The following DCAF8L2 variants were observed in gnomAD, a reference collection of about 807,000 sequenced individuals.
DCAF8L2 encodes DDB1 and CUL4 associated factor 8 like 2.
For missense variants in DCAF8L2, 430 were observed against 490.7 expected, an observed-to-expected ratio of 0.88 and a Z score of 1.17; for synonymous variants, 200 against 190.9, an observed-to-expected ratio of 1.05 and a Z score of -0.39.
intron 1 of DCAF8L2, among the ~76,000 whole-genome samples, chrX:27,621,421 A>T (rs184078800): frequency 9.0e-6 from 1 of 111,647 alleles, no homozygotes; most frequent in African/African-American, 3.3e-5. Context: ...AAATAGGAAA[A>T]AATAATAAGC....
intron 4 of DCAF8L2, among the ~76,000 whole-genome samples, chrX:27,736,957 T>C (rs775739668): frequency 2.0e-4 from 22 of 112,023 alleles, no homozygotes; most frequent in Non-Finnish European, 3.4e-4. Flanking sequence ...CCAGATGTCT[T>C]CTATTAAACC....
chrX:27,610,683 C>T (rs1193407338), intron 1 of DCAF8L2, among the ~76,000 whole-genome samples: 3 of 111,893 alleles, frequency 2.7e-5, no homozygotes, highest in East Asian at 2.8e-4. Context: ...AAAGCACTAA[C>T]GCATCTGGAA....
At chrX:27,519,069 G>T in the DCAF8L2 span, 3 of 1,035,997 alleles carry the variant, frequency 2.9e-6, no homozygotes, top group Non-Finnish European at 4.1e-6. Flanking sequence ...TACAACAGAT[G>T]AAGTCTCAGG....
the DCAF8L2 span, among the ~76,000 whole-genome samples, chrX:27,579,977 T>C: frequency 9.1e-6 from 1 of 110,004 alleles, no homozygotes; most frequent in Non-Finnish European, 1.9e-5. Context: ...GGTTTGTAAG[T>C]ATCATTTTAA....
chrX:27,621,802 G>T (rs1390374395), intron 1 of DCAF8L2, among the ~76,000 whole-genome samples: 1 of 110,223 alleles, frequency 9.1e-6, no homozygotes, highest in African/African-American at 3.3e-5. Flanking sequence ...AGACAAGCCT[G>T]GGCAACACAG....
chrX:27,497,497 ATTCTTTCT>A, the DCAF8L2 span, among the ~76,000 whole-genome samples: 3 of 66,064 alleles, frequency 4.5e-5, no homozygotes, highest in African/African-American at 1.7e-4. Flanking sequence ...AAACACCATT[ATTCTTTCT>A]TTCTTTCCTT....
chrX:27,543,000 CT>C, the DCAF8L2 span, among the ~76,000 whole-genome samples: 1 of 112,026 alleles, frequency 8.9e-6, no homozygotes. Flanking sequence ...TTAGATCCCA[CT>C]TGTCAATTTT....
At chrX:27,593,427 A>G (rs1286803647) in intron 1 of DCAF8L2, among the ~76,000 whole-genome samples, 1 of 112,175 alleles carries the variant, frequency 8.9e-6, no homozygotes, top group Non-Finnish European at 1.9e-5. Context: ...AGGCAGAATA[A>G]TATTCCCTGT....
At chrX:27,472,539 C>T in the DCAF8L2 span, among the ~76,000 whole-genome samples, 5 of 111,154 alleles carry the variant, frequency 4.5e-5, no homozygotes, top group Non-Finnish European at 9.4e-5. Flanking sequence ...TGATGCTCTC[C>T]CTCCCCTTTT....
chrX:27,525,106 A>G, the DCAF8L2 span, among the ~76,000 whole-genome samples: 12 of 111,384 alleles, frequency 1.1e-4, no homozygotes, highest in East Asian at 2.3e-3. Context: ...TGTCTCGTTG[A>G]TCTGTCTAAT....
chrX:27,660,679 C>G (rs1929527410), intron 2 of DCAF8L2, among the ~76,000 whole-genome samples: 1 of 111,919 alleles, frequency 8.9e-6, no homozygotes, highest in Admixed American at 9.5e-5. Flanking sequence ...TTGGATGGGC[C>G]AGTCCTTGGC....
intron 3 of DCAF8L2, among the ~76,000 whole-genome samples, chrX:27,704,267 C>CGTATATAT (rs1274243080): frequency 1.9e-5 from 2 of 103,624 alleles, no homozygotes; most frequent in Admixed American, 1.1e-4. Context: ...CGTATATATA[C>CGTATATAT]GTATATATGT....
At chrX:27,734,905 T>A (rs958103262) in intron 4 of DCAF8L2, among the ~76,000 whole-genome samples, 6 of 112,068 alleles carry the variant, frequency 5.4e-5, no homozygotes, top group South Asian at 3.7e-4. Flanking sequence ...TTTCAAAGTA[T>A]ATCTTATTTT....
At chrX:27,572,242 T>G in the DCAF8L2 span, among the ~76,000 whole-genome samples, 1 of 111,757 alleles carries the variant, frequency 8.9e-6, no homozygotes, top group Non-Finnish European at 1.9e-5. Flanking sequence ...AGGGTCTGAT[T>G]GTTATCATAC....
chrX:27,731,601 G>A (rs947997393), intron 4 of DCAF8L2, among the ~76,000 whole-genome samples: 2 of 109,743 alleles, frequency 1.8e-5, no homozygotes, highest in African/African-American at 6.6e-5. Flanking sequence ...ACCAAATAAG[G>A]GCTCCATCCT....
intron 3 of DCAF8L2, among the ~76,000 whole-genome samples, chrX:27,715,287 A>G (rs1441481878): frequency 9.3e-6 from 1 of 107,381 alleles, no homozygotes; most frequent in East Asian, 2.9e-4. Context: ...GAATGGCGTG[A>G]ACCCGGGAGG....
the DCAF8L2 span, among the ~76,000 whole-genome samples, chrX:27,515,485 C>A: frequency 9.0e-6 from 1 of 111,594 alleles, no homozygotes; most frequent in Non-Finnish European, 1.9e-5. Context: ...GTGGAGGTTG[C>A]AGTGAGCTGA....
chrX:27,539,538 A>G, the DCAF8L2 span, among the ~76,000 whole-genome samples: 1 of 111,848 alleles, frequency 8.9e-6, no homozygotes, highest in Non-Finnish European at 1.9e-5. Context: ...AATACTACAT[A>G]CATGTGGTTT....
At chrX:27,532,731 T>C in the DCAF8L2 span, among the ~76,000 whole-genome samples, 2 of 20,926 alleles carry the variant, frequency 9.6e-5, no homozygotes, top group Non-Finnish European at 2.2e-4. Flanking sequence ...GACCCATATT[T>C]ATTTATTTAT....
Sources: allele counts gnomAD v4.1 joint callset (sites outside exome capture counted in the v4.1 genomes callset), GRCh38; gene constraint gnomAD v4.1.1; transcripts MANE v1.5; gene names NCBI Gene and HGNC (gene_info 2026-07-23, HGNC 2026-07-21).